The following STK39 variants were observed in gnomAD, a reference collection of about 807,000 sequenced individuals.
The protein encoded by STK39 is STE20/SPS1-related proline-alanine-rich protein kinase.
Under a neutral mutation model 77.8 loss-of-function variants are expected in STK39, and 20 were observed. That is an observed-to-expected ratio of 0.26 (90% CI 0.18 to 0.37). The LOEUF (loss-of-function observed/expected upper bound fraction) is 0.37. Among genes scored for constraint, STK39 ranks in the 10% least tolerant of loss-of-function variants. STK39 has a pLI of 1.00. For missense variants in STK39, 479 were observed against 656.5 expected, an observed-to-expected ratio of 0.73 and a Z score of 2.95; for synonymous variants, 246 against 234.1, an observed-to-expected ratio of 1.05 and a Z score of -0.47.
chr2:168,224,570 C>G (rs1402667824), intron 1 of STK39, among the ~76,000 whole-genome samples: 1 of 151,742 alleles, frequency 6.6e-6, no homozygotes, highest in Non-Finnish European at 1.5e-5. Flanking sequence ...ATTAACATAC[C>G]TGTCAGCTGA....
At chr2:168,175,780 G>A (rs940641570) in intron 2 of STK39, among the ~76,000 whole-genome samples, 268 of 152,220 alleles carry the variant, frequency 1.8e-3, no homozygotes, top group African/African-American at 6.1e-3. Context: ...CGTGAAAATA[G>A]TTACAAAGCT....
At chr2:168,097,487 G>A (rs1043537209) in intron 10 of STK39, among the ~76,000 whole-genome samples, 10 of 152,170 alleles carry the variant, frequency 6.6e-5, no homozygotes, top group African/African-American at 2.4e-4. Context: ...TACTTTGGGA[G>A]GATGAGGCAG....
intron 14 of STK39, among the ~76,000 whole-genome samples, chr2:168,033,719 T>C (rs919276533): frequency 6.6e-6 from 1 of 152,196 alleles, no homozygotes; most frequent in Non-Finnish European, 1.5e-5. Context: ...GAGCACAAAG[T>C]ACTTGGTTGC....
intron 16 of STK39, among the ~76,000 whole-genome samples, chr2:167,979,600 G>A (rs1260642213): frequency 6.6e-6 from 1 of 152,134 alleles, no homozygotes; most frequent in African/African-American, 2.4e-5. Flanking sequence ...CTTAATCCGA[G>A]AGGTAAAACG....
intron 14 of STK39, among the ~76,000 whole-genome samples, chr2:168,056,974 T>C (rs1237933144): frequency 6.6e-6 from 1 of 152,124 alleles, no homozygotes; most frequent in Admixed American, 6.5e-5. Flanking sequence ...TAGTGGGTTT[T>C]TGATACTCAA....
intron 1 of STK39, among the ~76,000 whole-genome samples, chr2:168,210,312 T>C (rs1054886556): frequency 1.3e-5 from 2 of 152,220 alleles, no homozygotes; most frequent in African/African-American, 4.8e-5. Flanking sequence ...TATCAAAAGT[T>C]CACCTCAAAG....
chr2:168,164,139 T>C (rs573278405), intron 3 of STK39, among the ~76,000 whole-genome samples: 1 of 152,328 alleles, frequency 6.6e-6, no homozygotes, highest in South Asian at 2.1e-4. Context: ...GGCCGTTCCA[T>C]GGCTGGTTCC....
At chr2:168,220,154 C>T (rs1427736620) in intron 1 of STK39, among the ~76,000 whole-genome samples, 2 of 152,140 alleles carry the variant, frequency 1.3e-5, no homozygotes, top group African/African-American at 4.8e-5. Flanking sequence ...CTGCTGACCT[C>T]AAGCAATCCT....
rs942773868 is a variant in STK39 at position 168,020,811 on chromosome 2, A to C, written c.1377-3716T>G. ...TACAAATTTAATGAATGGCAGAGTG[A>C]AGGCCAATAATTCCATACTGAAGGT... On this transcript the variant is annotated intron_variant, in intron 14 of 17. Coordinates refer to ENST00000355999, the MANE Select transcript of STK39 (RefSeq NM_013233.3). Among the ~76,000 whole-genome samples, 4 of 152,122 alleles carry C rather than the reference A, an allele frequency of 2.6e-5. No individual in the cohort carries two copies. The East Asian group carries it at 5.8e-4, about 22-fold the overall frequency.
rs115982695 is a variant in STK39, at chr2:168,068,332, T to C, written c.1243-2951A>G. On this transcript the variant is annotated intron_variant, in intron 12 of 17. Transcript: ENST00000355999. The stretch of plus-strand genomic sequence containing the variant: ...GAATGGAGACAAGAAAGAGACAACA[T>C]CTGCTTTCCAATTTTTCGTAGAGCT... Among the ~76,000 whole-genome samples, 56 of 152,302 alleles carry C rather than the reference T, an allele frequency of 3.7e-4. 1 individual carries two copies. The highest frequency in any genetic ancestry group is 3.4e-3 in the Middle Eastern group (1 of 294).
chr2:168,150,393 A>T (rs909317004), intron 5 of STK39, among the ~76,000 whole-genome samples: 7 of 152,220 alleles, frequency 4.6e-5, no homozygotes, highest in Admixed American at 4.6e-4. Flanking sequence ...TCATATGTGC[A>T]GTAGAATAAA....
At chr2:168,231,473 A>T (rs912158359) in intron 1 of STK39, among the ~76,000 whole-genome samples, 6 of 152,036 alleles carry the variant, frequency 3.9e-5, no homozygotes, top group Non-Finnish European at 8.8e-5. Flanking sequence ...TACATTTCTT[A>T]TTCTGATAGC....
intron 5 of STK39, among the ~76,000 whole-genome samples, chr2:168,155,898 T>C (rs1383806033): frequency 3.3e-5 from 5 of 152,238 alleles, no homozygotes; most frequent in African/African-American, 1.2e-4. Flanking sequence ...CATAACCTGC[T>C]GCTGAGACAG....
chr2:168,023,481 A>G (rs1197730483), intron 14 of STK39, among the ~76,000 whole-genome samples: 2 of 152,150 alleles, frequency 1.3e-5, no homozygotes, highest in African/African-American at 4.8e-5. Context: ...ATTGAAGTAT[A>G]TATTTTACAG....
At chr2:168,138,559 G>A (rs533493124) in intron 7 of STK39, among the ~76,000 whole-genome samples, 1 of 152,312 alleles carries the variant, frequency 6.6e-6, no homozygotes, top group African/African-American at 2.4e-5. Flanking sequence ...GCGGGTGGAG[G>A]AGAAGAGAGA....
In STK39 at chr2:168,247,309, G is replaced by C. The variant is rs1241658118; in HGVS notation, c.127C>G (p.Pro43Ala). The C allele has an allele frequency of 9.6e-7, 1 of 1,038,298 alleles. No individual in the cohort carries two copies. Among genetic ancestry groups the C allele is most frequent in the Non-Finnish European group, 1.2e-6 (1 of 862,598 alleles). The allele number at this position is 1,038,298 out of a possible 1,614,324, so 64.3% of individuals were successfully genotyped here. A position where few individuals can be genotyped will look rare whatever the true frequency, so the allele number is the denominator to read the frequency against. The change falls in exon 1 of 18, where the codon CCG becomes GCG. Residue 43 changes from proline to alanine, a missense_variant. This residue lies in a region of STK39 where 96 missense variants were observed against 79.1 expected (regional missense o/e 1.21). Transcript: ENST00000355999. ...AAPAPAAPAA[P>A]APAPAPAAQA... ...GCCGCCGGGGCCGGGGCCGGGGCCG[G>C]GGCCGCGGGAGCTGCCGGGGCCGGC... is the stretch of plus-strand genomic sequence containing the variant.
chr2:168,089,509 T>C (rs1282068338), intron 10 of STK39, among the ~76,000 whole-genome samples: 1 of 152,150 alleles, frequency 6.6e-6, no homozygotes, highest in Non-Finnish European at 1.5e-5. Flanking sequence ...AAATGAAAAA[T>C]ATTTCTAAAA....
intron 14 of STK39, among the ~76,000 whole-genome samples, chr2:168,020,489 G>C (rs1051212682): frequency 6.6e-6 from 1 of 151,972 alleles, no homozygotes; most frequent in African/African-American, 2.4e-5. Context: ...TATAAAAATA[G>C]TTTTGACCTC....
In STK39 at chr2:168,159,133, C is replaced by A. The variant is rs146099408; in HGVS notation, c.628+2654G>T. Among the ~76,000 whole-genome samples the A allele has an allele frequency of 2.0e-5, 3 of 152,162 alleles. No individual in the cohort carries two copies. The East Asian group carries it at 5.8e-4, about 29-fold the overall frequency. On this transcript the variant is annotated intron_variant, in intron 5 of 17. Coordinates refer to ENST00000355999, the MANE Select transcript of STK39 (RefSeq NM_013233.3). ...AATGCCCTTTCTTAAAAACAGTGCACACAATAATATTCTCAAGGTGGGCAA... is the reference window on the plus strand; with the variant it reads ...AATGCCCTTTCTTAAAAACAGTGCAAACAATAATATTCTCAAGGTGGGCAA...
Sources: allele counts gnomAD v4.1 joint callset (sites outside exome capture counted in the v4.1 genomes callset), GRCh38; gene constraint gnomAD v4.1.1; regional missense constraint gnomAD v4.1.1; transcripts MANE v1.5; gene names NCBI Gene and HGNC (gene_info 2026-07-23, HGNC 2026-07-21).